The following PADI3 variants were observed in gnomAD, a reference collection of about 807,000 sequenced individuals.
PADI3 encodes protein-arginine deiminase type-3.
PADI3 carries 53 observed loss-of-function variants against 71.5 expected under a neutral mutation model. The ratio of observed to expected loss-of-function variants is 0.74; its 90% CI spans 0.59 to 0.93. The LOEUF is 0.93. Among genes scored for constraint, PADI3 ranks in the 40% least tolerant of loss-of-function variants. The pLI, the probability that PADI3 is intolerant of heterozygous loss-of-function variation, is 0.00. For missense variants in PADI3, 821 were observed against 868.0 expected (o/e 0.95, Z 0.68); for synonymous variants, 361 against 347.5 (o/e 1.04, Z -0.43).
rs950232344 is a variant in PADI3 at position 17,271,723 on chromosome 1, C to T, written c.1047+545C>T. Among the ~76,000 whole-genome samples the T allele has an allele frequency of 6.0e-5, 9 of 151,098 alleles. No individual in the cohort carries two copies. In the South Asian group the frequency reaches 1.5e-3, roughly 25 times the overall value. On this transcript the variant is annotated intron_variant, in intron 9 of 15. Transcript: ENST00000375460. ...ATTAGCAGGGCATGGTGGCGTGTGT[C>T]TGTAGTCCCAGCTACTCTGGAGGCT... is the stretch of plus-strand genomic sequence containing the variant.
chr1:17,274,924 C>G lies in PADI3; in HGVS notation c.1307+138C>G, dbSNP rs2977297. 1 allele frequency: 907,037 copies of G among 908,682 alleles called. 452,711 individuals carry two copies. Among genetic ancestry groups the G allele is most frequent in the East Asian group, 1 (37,440 of 37,440 alleles). 56.3% of individuals were successfully genotyped at this position (908,682 alleles called of 1,614,324 possible). A position where few individuals can be genotyped will look rare whatever the true frequency, so the allele number is the denominator to read the frequency against. ...TGATGAAATTATACTCCCGGATGTG[C>G]TGGGGTTGGTGGGTGTTCACCAGAC... is the stretch of plus-strand genomic sequence containing the variant. On this transcript the variant is annotated intron_variant, in intron 11 of 15. Coordinates refer to ENST00000375460, the MANE Select transcript of PADI3 (RefSeq NM_016233.2).
At chr1:17,265,161 C>T (rs188814803) in intron 3 of PADI3, among the ~76,000 whole-genome samples, 1 of 152,036 alleles carries the variant, frequency 6.6e-6, no homozygotes, top group Non-Finnish European at 1.5e-5. Flanking sequence ...ATTATGAAAT[C>T]TCACCCAGTG....
rs371878827 is a variant in PADI3 at position 17,280,447 on chromosome 1, T to C, written c.1635+18T>C. ...TTGTGCAGGTACAAGGGCTGTGGTG[T>C]ACCTGTGGGCTGTGATTTGGGAGTA... On this transcript the variant is annotated intron_variant, in intron 14 of 15. Transcript: ENST00000375460. The C allele has an allele frequency of 2.5e-6, 4 of 1,604,988 alleles. No homozygotes were observed. Among genetic ancestry groups the C allele is most frequent in the Non-Finnish European group, 2.6e-6 (3 of 1,171,698 alleles).
intron 13 of PADI3, chr1:17,277,753 C>T (rs533168272): frequency 1.3e-5 from 2 of 153,882 alleles, no homozygotes; most frequent in African/African-American, 4.8e-5. Flanking sequence ...GCACATGTGC[C>T]ACTCAGCATC....
At chr1:17,269,810 G>C (rs144622873) in intron 6 of PADI3, among the ~76,000 whole-genome samples, 2,020 of 152,092 alleles carry the variant, frequency 0.013, 42 homozygotes, top group African/African-American at 0.044. Flanking sequence ...GTAGAGACAG[G>C]GTTTCACTAT....
intron 1 of PADI3, among the ~76,000 whole-genome samples, chr1:17,258,209 G>A (rs765680654): frequency 2.0e-5 from 3 of 152,184 alleles, no homozygotes; most frequent in Non-Finnish European, 4.4e-5. Flanking sequence ...CATGCATGCC[G>A]CTGCCTCCAG....
chr1:17,271,093 A>T lies in PADI3; in HGVS notation c.962A>T (p.Asp321Val), dbSNP rs970615797. The part of the protein sequence containing the change: ...CRVRNNTCFV[D>V]AVAELARKAG... The stretch of plus-strand genomic sequence containing the variant: ...GTGAGGAACAACACGTGTTTTGTGG[A>T]TGCGGTGGCAGAGCTGGCCAGGAAG... The change falls in exon 9 of 16, where the codon GAT becomes GTT. Residue 321 changes from aspartate (D) to valine (V), a missense_variant. Physicochemically the swap from Asp to Val is radical, Grantham distance 152. Coordinates refer to ENST00000375460, the MANE Select transcript of PADI3 (RefSeq NM_016233.2). 32 of 1,613,878 alleles carry T rather than the reference A, an allele frequency of 2.0e-5. No individual in the cohort carries two copies. Among genetic ancestry groups the T allele is most frequent in the Non-Finnish European group, 2.7e-5 (32 of 1,179,986 alleles).
intron 15 of PADI3, 118 bp downstream of exon 15, chr1:17,280,914 G>C: frequency 1.6e-6 from 2 of 1,250,728 alleles, no homozygotes; most frequent in Non-Finnish European, 2.3e-6. Context: ...GGGGGTGGCA[G>C]GGAGAATCAG....
chr1:17,252,944 T>A (rs2072984414), intron 1 of PADI3, among the ~76,000 whole-genome samples: 2 of 152,170 alleles, frequency 1.3e-5, no homozygotes, highest in South Asian at 4.1e-4. Context: ...TGGAGAGCAG[T>A]CCCCAGGCTG....
chr1:17,282,994 AC>A lies in PADI3; in HGVS notation c.1912del (p.His638ThrfsTer53). The A allele has an allele frequency of 6.2e-7, 1 of 1,614,148 alleles. No homozygotes were observed. ...ACCTTCATTGATGACTTCACTCCAT[AC>A]CACATGCTGCATGGGGAGGTGCACT... ...HCTFIDDFTP[Y>X]HMLHGEVHCG... On this transcript the variant is annotated frameshift_variant, in exon 16 of 16. Coordinates refer to ENST00000375460, the MANE Select transcript of PADI3 (RefSeq NM_016233.2). LOFTEE classifies it high-confidence loss of function.
At chr1:17,256,063 C>T (rs915638922) in intron 1 of PADI3, among the ~76,000 whole-genome samples, 7 of 152,278 alleles carry the variant, frequency 4.6e-5, no homozygotes, top group South Asian at 2.1e-4. Flanking sequence ...TAAGGTTCCA[C>T]GGTGAAAACA....
rs761993755 is a variant in PADI3, at chr1:17,270,981, C to T, written c.934C>T (p.Arg312Cys). The change falls in exon 8 of 16, where the codon CGT becomes TGT. Residue 312 changes from arginine (R) to cysteine (C), a missense_variant and splice_region_variant. By Grantham distance (180) the Arg-to-Cys change is radical. Transcript: ENST00000375460. The part of the protein sequence containing the change: ...TLPPLEVYVC[R>C]VRNNTCFVDA... ...GCCACCCCTAGAGGTGTATGTGTGC[C>T]GGTGAGTCTTGGGGCAGTGGGTGGT... The T allele has an allele frequency of 1.4e-5, 23 of 1,613,760 alleles. No homozygotes were observed. Among genetic ancestry groups the T allele is most frequent in the East Asian group, 6.7e-5 (3 of 44,892 alleles).
intron 11 of PADI3, 100 bp downstream of exon 11, chr1:17,274,886 C>CAG: frequency 8.2e-7 from 1 of 1,219,728 alleles, no homozygotes; most frequent in Non-Finnish European, 1.1e-6. Context: ...TGAAGAGAGC[C>CAG]AGAAGCAAGG....
At chr1:17,268,047 T>C (rs2073195421) in intron 6 of PADI3, 85 bp downstream of exon 6, 26 of 1,524,764 alleles carry the variant, frequency 1.7e-5, no homozygotes, top group Non-Finnish European at 2.2e-5. Context: ...CCTTGGGCCA[T>C]GGGCAGGTCC....
At position 17,271,164 on chromosome 1, in the gene PADI3, G is replaced by A. The variant is rs779715839; in HGVS notation, c.1033G>A (p.Asp345Asn). The A allele has an allele frequency of 4.3e-6, 7 of 1,612,850 alleles. No homozygotes were observed. The highest frequency in any genetic ancestry group is 1.7e-5 in the Admixed American group (1 of 60,018). Residue 345 changes from aspartate to asparagine, a missense_variant, in exon 9 of 16, where the codon GAC becomes AAC. By Grantham distance (23) the Asp-to-Asn change is conservative. Coordinates refer to ENST00000375460, the MANE Select transcript of PADI3 (RefSeq NM_016233.2). ...TICPQAENRN[D>N]RWIQDEMELG... ...CTGCCCACAGGCCGAGAACCGCAAC[G>A]ACCGCTGGATCCAGGTAACCACAGC...
At position 17,259,741 on chromosome 1, in the gene PADI3, G is replaced by T; in HGVS notation, c.256G>T (p.Asp86Tyr). ...CGTGGTCATGAACTCCCCCAGCAAT[G>T]ACCTCAACGACAGCCATGTGAGCTG... is the stretch of plus-strand genomic sequence containing the variant. The part of the protein sequence containing the change: ...IIVVMNSPSN[D>Y]LNDSHVQISY... Residue 86 changes from aspartate to tyrosine, a missense_variant, in exon 2 of 16, where the codon GAC becomes TAC. Physicochemically the swap from Asp to Tyr is radical, Grantham distance 160 (BLOSUM62 -3). Coordinates refer to ENST00000375460, the MANE Select transcript of PADI3 (RefSeq NM_016233.2). The T allele has an allele frequency of 6.2e-7, 1 of 1,605,788 alleles. No individual in the cohort carries two copies. Among genetic ancestry groups the T allele is most frequent in the Non-Finnish European group, 8.5e-7 (1 of 1,174,204 alleles).
rs1247695105 is a variant in PADI3, at chr1:17,254,717, ATT to A, written c.93-4845_93-4844del. On this transcript the variant is annotated intron_variant, in intron 1 of 15. Transcript: ENST00000375460. Reference sequence around the variant, plus strand: ...CGGGCTGGAGGGACCAGGCTCCAGCATTTTTTTTTTTTTTTTTGAGATGGAGT... The same window carrying A: ...CGGGCTGGAGGGACCAGGCTCCAGCATTTTTTTTTTTTTTTGAGATGGAGT... Among the ~76,000 whole-genome samples the A allele has an allele frequency of 4.5e-4, 58 of 128,386 alleles. 1 individual carries two copies. In the South Asian group the frequency reaches 6.1e-3, roughly 13 times the overall value. 84.2% of individuals were successfully genotyped at this position (128,386 alleles called of 152,430 possible). A position where few individuals can be genotyped will look rare whatever the true frequency, so the allele number is the denominator to read the frequency against.
Position 17,260,848 on chromosome 1 carries a change from C to T in PADI3, c.273+1090C>T, listed in dbSNP as rs892881646. Among the ~76,000 whole-genome samples, 5 of 152,266 alleles carry T rather than the reference C, an allele frequency of 3.3e-5. No homozygotes were observed. The East Asian group carries it at 9.7e-4, about 29-fold the overall frequency. ...GAGGACTGGCCAGCCTGTGAGGGGCCCCACCTTGGTGCCGGTTGAAGTGGC... is the reference window on the plus strand; with the variant it reads ...GAGGACTGGCCAGCCTGTGAGGGGCTCCACCTTGGTGCCGGTTGAAGTGGC... On this transcript the variant is annotated intron_variant, in intron 2 of 15. Coordinates refer to ENST00000375460, the MANE Select transcript of PADI3 (RefSeq NM_016233.2).
intron 14 of PADI3, 37 bp from the exon 15 acceptor site, chr1:17,280,634 C>T (rs1157412613): frequency 6.2e-7 from 1 of 1,613,550 alleles, no homozygotes; most frequent in Admixed American, 1.7e-5. Context: ...AACACACTGG[C>T]AAGGTGTCCC....
Sources: allele counts gnomAD v4.1 joint callset (sites outside exome capture counted in the v4.1 genomes callset), GRCh38; gene constraint gnomAD v4.1.1; transcripts MANE v1.5; gene names NCBI Gene and HGNC (gene_info 2026-07-23, HGNC 2026-07-21).